Variants in SPECC1 observed in about 807,000 individuals in gnomAD.
SPECC1 encodes sperm antigen with calponin homology and coiled-coil domains 1.
In SPECC1, 62 loss-of-function variants were observed where a neutral mutation model predicts 104.1. That is an observed-to-expected ratio of 0.60 (90% CI 0.49 to 0.74). SPECC1 has a LOEUF of 0.74. Among genes scored for constraint, SPECC1 ranks in the 30% least tolerant of loss-of-function variants. The pLI, the probability that SPECC1 is intolerant of heterozygous loss-of-function variation, is 0.00. For synonymous variants in SPECC1, 513 were observed against 501.6 expected (o/e 1.02, Z -0.30); for missense variants, 1,306 against 1,310.5 (o/e 1.00, Z 0.05).
chr17:20,103,793 C>T (rs1415456790), intron 2 of SPECC1, among the ~76,000 whole-genome samples: 1 of 152,202 alleles, frequency 6.6e-6, no homozygotes, highest in East Asian at 1.9e-4. Flanking sequence ...CTTTATCTCA[C>T]TGCAGGATTC....
At chr17:20,302,904 G>A (rs7216340) in intron 13 of SPECC1, among the ~76,000 whole-genome samples, 197 of 122,112 alleles carry the variant, frequency 1.6e-3, no homozygotes, top group Middle Eastern at 4.6e-3. Flanking sequence ...AAAAAAAAAA[G>A]AGGAAAGAAA....
chr17:20,231,404 G>A (rs1052448041), intron 5 of SPECC1, among the ~76,000 whole-genome samples: 1 of 152,218 alleles, frequency 6.6e-6, no homozygotes, highest in African/African-American at 2.4e-5. Context: ...CACTTAGGAC[G>A]ATTGTGTGTG....
rs547052826 is a variant in SPECC1 at position 20,216,119 on chromosome 17, C to T, written c.1863+10207C>T. Among the ~76,000 whole-genome samples, 4 of 152,304 alleles carry T rather than the reference C, an allele frequency of 2.6e-5. No individual in the cohort carries two copies. In the East Asian group the frequency reaches 7.7e-4, roughly 29 times the overall value. On this transcript the variant is annotated intron_variant, in intron 4 of 14. Transcript: ENST00000395527. ...AAATCACTTGAAAAGAACAATCCAG[C>T]ATGTATCAAGTGGCTGAGACCAAAC...
At chr17:20,071,341 A>G (rs746184197) in intron 1 of SPECC1, among the ~76,000 whole-genome samples, 6 of 151,414 alleles carry the variant, frequency 4.0e-5, no homozygotes, top group Non-Finnish European at 7.4e-5. Flanking sequence ...TTTCTGATCT[A>G]TTTTACTATC....
intron 12 of SPECC1, among the ~76,000 whole-genome samples, chr17:20,295,614 G>A (rs547918374): frequency 1.9e-4 from 29 of 152,298 alleles, no homozygotes; most frequent in African/African-American, 6.7e-4. Context: ...CACAATGGTT[G>A]AACTAGTTTA....
intron 11 of SPECC1, 34 bp downstream of exon 11, chr17:20,257,641 A>C: frequency 6.2e-7 from 1 of 1,607,432 alleles, no homozygotes; most frequent in Admixed American, 1.7e-5. Flanking sequence ...AATCAGAAAA[A>C]CATCGGGCTA....
intron 7 of SPECC1, among the ~76,000 whole-genome samples, chr17:20,235,854 C>T (rs879271716): frequency 6.9e-6 from 1 of 144,354 alleles, no homozygotes; most frequent in Non-Finnish European, 1.5e-5. Context: ...GCCTATACCA[C>T]AAGTTCTTGC....
At position 20,315,523 on chromosome 17, in the gene SPECC1, G is replaced by A. The variant is rs2042029700; in HGVS notation, c.*1458G>A. 1 of 232,902 alleles carries A rather than the reference G, an allele frequency of 4.3e-6. No individual in the cohort carries two copies. The highest frequency in any genetic ancestry group is 6.1e-5 in the East Asian group (1 of 16,512). 14.4% of individuals were successfully genotyped at this position (232,902 alleles called of 1,614,324 possible). A position where few individuals can be genotyped will look rare whatever the true frequency, so the allele number is the denominator to read the frequency against. Reference sequence around the variant, plus strand: ...TAATGCCCATCCCTTGCTGTTTTAAGTGCCAAATAGCGTGTTAGCGCCCCT... The same window carrying A: ...TAATGCCCATCCCTTGCTGTTTTAAATGCCAAATAGCGTGTTAGCGCCCCT... On this transcript the variant is annotated 3_prime_UTR_variant, in exon 15 of 15. Coordinates refer to ENST00000395527, the MANE Select transcript of SPECC1 (RefSeq NM_001243439.2).
intron 5 of SPECC1, among the ~76,000 whole-genome samples, chr17:20,228,581 A>T (rs761818104): frequency 6.6e-6 from 1 of 152,208 alleles, no homozygotes; most frequent in Non-Finnish European, 1.5e-5. Flanking sequence ...CTTGTATCTG[A>T]CAGAGATGGA....
intron 1 of SPECC1, among the ~76,000 whole-genome samples, chr17:20,040,501 T>A (rs1323591536): frequency 1.3e-5 from 2 of 152,210 alleles, no homozygotes; most frequent in Non-Finnish European, 2.9e-5. Flanking sequence ...GCCATTCCTT[T>A]AGGGGAGATC....
intron 9 of SPECC1, among the ~76,000 whole-genome samples, chr17:20,248,667 C>T (rs535331334): frequency 1.3e-5 from 2 of 152,092 alleles, no homozygotes; most frequent in East Asian, 3.9e-4. Context: ...TCTTGTGTGT[C>T]GGTGTGGAAA....
chr17:20,023,355 T>C (rs555234575), intron 1 of SPECC1, among the ~76,000 whole-genome samples: 1 of 152,350 alleles, frequency 6.6e-6, no homozygotes, highest in African/African-American at 2.4e-5. Flanking sequence ...ATTTTGCTAA[T>C]GAATACATGG....
At chr17:20,098,651 C>G (rs1212491495) in intron 2 of SPECC1, among the ~76,000 whole-genome samples, 1 of 152,214 alleles carries the variant, frequency 6.6e-6, no homozygotes, top group Non-Finnish European at 1.5e-5. Context: ...TTCGGATTGC[C>G]AGGTGCACTC....
chr17:20,015,831 G>A (rs530786498), intron 1 of SPECC1, among the ~76,000 whole-genome samples: 10 of 150,164 alleles, frequency 6.7e-5, no homozygotes, highest in East Asian at 4.0e-4. Flanking sequence ...TGATCCGCCC[G>A]CCTCGGCCTC....
chr17:20,284,124 A>G (rs2040865736), intron 12 of SPECC1, among the ~76,000 whole-genome samples: 1 of 152,132 alleles, frequency 6.6e-6, no homozygotes, highest in Non-Finnish European at 1.5e-5. Flanking sequence ...GCCATCTGGA[A>G]CTCATCTCTA....
intron 3 of SPECC1, among the ~76,000 whole-genome samples, chr17:20,135,810 G>C (rs1405716266): frequency 1.3e-5 from 2 of 152,154 alleles, no homozygotes; most frequent in East Asian, 1.9e-4. Context: ...ATGTGTGGGG[G>C]ACCAGAAGAT....
intron 3 of SPECC1, among the ~76,000 whole-genome samples, chr17:20,184,817 C>T (rs185170082): frequency 6.6e-6 from 1 of 152,250 alleles, no homozygotes; most frequent in African/African-American, 2.4e-5. Context: ...GTATTCTTTC[C>T]GTGGTAAAGT....
At chr17:20,116,047 T>C (rs2048738407) in intron 3 of SPECC1, among the ~76,000 whole-genome samples, 2 of 152,162 alleles carry the variant, frequency 1.3e-5, no homozygotes. Context: ...TGTGGCTAGT[T>C]GTAGACTATA....
At chr17:20,147,173 G>A (rs2031555066) in intron 3 of SPECC1, among the ~76,000 whole-genome samples, 1 of 149,974 alleles carries the variant, frequency 6.7e-6, no homozygotes, top group African/African-American at 2.5e-5. Flanking sequence ...CTGGGTTCAA[G>A]TGATTCTCCT....
Sources: gnomAD v4.1 joint callset for allele counts (sites outside exome capture counted in the v4.1 genomes callset) on GRCh38, gnomAD v4.1.1 for gene constraint, MANE v1.5 for transcripts, NCBI Gene and HGNC (gene_info 2026-07-23, HGNC 2026-07-21) for gene names.